The following GAB1 variants were observed in gnomAD, a reference collection of about 807,000 sequenced individuals.
GAB1 encodes GRB2 associated binding protein 1, also known as GRB2-associated-binding protein 1.
Under a neutral mutation model 66.5 loss-of-function variants are expected in GAB1, and 19 were observed. The ratio of observed to expected loss-of-function variants is 0.29; its 90% confidence interval spans 0.20 to 0.42. GAB1 has a LOEUF of 0.42. Ranked by LOEUF, GAB1 falls within the 10% of genes least tolerant of loss-of-function variation. The pLI, the probability that GAB1 is intolerant of heterozygous loss-of-function variation, is 1.00. For missense variants in GAB1, 732 were observed against 858.5 expected (o/e 0.85, Z 1.84); for synonymous variants, 294 against 301.4 (o/e 0.98, Z 0.25).
intron 1 of GAB1, among the ~76,000 whole-genome samples, chr4:143,341,279 G>A (rs1392671585): frequency 6.6e-6 from 1 of 152,164 alleles, no homozygotes; most frequent in Non-Finnish European, 1.5e-5. Flanking sequence ...TAAAGTCTTG[G>A]TAGTATGCAC....
intron 8 of GAB1, among the ~76,000 whole-genome samples, chr4:143,460,784 A>C (rs1735451370): frequency 6.6e-6 from 1 of 152,098 alleles, no homozygotes. Flanking sequence ...TGAGTCCAGC[A>C]GTTTGAGGCT....
At chr4:143,465,998 A>G in intron 8 of GAB1, 105 bp from the exon 9 acceptor site, 1 of 1,238,976 alleles carries the variant, frequency 8.1e-7, no homozygotes, top group Non-Finnish European at 1.1e-6. Flanking sequence ...TTTTTAAGCT[A>G]TGTCCTCTTG....
At position 143,433,721 on chromosome 4, in the gene GAB1, A is replaced by G; in HGVS notation, c.593+5A>G. ...CAAGAAGCCCGAACCCACCAGGTAA[A>G]TTATATATGCCCATGTGAGAGAGAG... is the stretch of plus-strand genomic sequence containing the variant. On this transcript the variant is annotated splice_donor_5th_base_variant and intron_variant, in intron 3 of 9. Coordinates refer to ENST00000262994, the MANE Select transcript of GAB1 (RefSeq NM_002039.4). 1 of 1,600,826 alleles carries G rather than the reference A, an allele frequency of 6.2e-7. No homozygotes were observed. Among genetic ancestry groups the G allele is most frequent in the Non-Finnish European group, 8.6e-7 (1 of 1,168,038 alleles).
chr4:143,368,520 C>T lies in GAB1; in HGVS notation c.72+31260C>T, dbSNP rs140696819. ...CTCTTCCAAGTTACTACAAATATGC[C>T]TAATTTTTATAAATATATGCAATTT... On this transcript the variant is annotated intron_variant, in intron 1 of 9. Coordinates refer to ENST00000262994, the MANE Select transcript of GAB1 (RefSeq NM_002039.4). Among the ~76,000 whole-genome samples, 170 of 152,134 alleles carry T rather than the reference C, an allele frequency of 1.1e-3. No homozygotes were observed. The Middle Eastern group carries it at 0.017, about 15-fold the overall frequency.
chr4:143,352,448 T>G (rs908152358), intron 1 of GAB1, among the ~76,000 whole-genome samples: 2 of 152,200 alleles, frequency 1.3e-5, no homozygotes, highest in African/African-American at 4.8e-5. Context: ...GTTAAGGAGT[T>G]TTCTCTTTTC....
At chr4:143,338,048 C>G (rs1460422170) in intron 1 of GAB1, among the ~76,000 whole-genome samples, 8 of 152,162 alleles carry the variant, frequency 5.3e-5, no homozygotes, top group African/African-American at 1.9e-4. Flanking sequence ...TCCCAGGGAA[C>G]CAGAGTGGCT....
rs373586035 is a variant in GAB1 at position 143,473,295 on chromosome 4, A to C, written c.*4106A>C. ...TTCTGCTACCAAATAAAACTTTTCA[A>C]ACAATTTGGTTTCAAGACCTTAAAT... On this transcript the variant is annotated 3_prime_UTR_variant, in exon 10 of 10. Coordinates refer to ENST00000262994, the MANE Select transcript of GAB1 (RefSeq NM_002039.4). The C allele has an allele frequency of 3.9e-5, 6 of 152,212 alleles. No homozygotes were observed. The East Asian group carries it at 9.6e-4, about 24-fold the overall frequency. 9.4% of individuals were successfully genotyped at this position (152,212 alleles called of 1,614,324 possible).
intron 1 of GAB1, among the ~76,000 whole-genome samples, chr4:143,390,579 C>T (rs1391799976): frequency 6.6e-6 from 1 of 152,080 alleles, no homozygotes; most frequent in Non-Finnish European, 1.5e-5. Context: ...ACAGTACTTT[C>T]CTCAGAGACT....
chr4:143,423,228 T>C (rs1733113522), intron 2 of GAB1, among the ~76,000 whole-genome samples: 1 of 152,188 alleles, frequency 6.6e-6, no homozygotes, highest in South Asian at 2.1e-4. Flanking sequence ...ACTTTGAAGA[T>C]AGTGCATTGT....
At chr4:143,393,357 C>T (rs1181339308) in intron 1 of GAB1, among the ~76,000 whole-genome samples, 3 of 151,764 alleles carry the variant, frequency 2.0e-5, no homozygotes, top group Admixed American at 6.6e-5. Flanking sequence ...ACAAATAGTA[C>T]AGTGTTAAGT....
At chr4:143,429,049 G>T (rs113726167) in intron 2 of GAB1, among the ~76,000 whole-genome samples, 4,144 of 152,168 alleles carry the variant, frequency 0.027, 108 homozygotes, top group South Asian at 0.11. Flanking sequence ...TTGCAAAATA[G>T]ACTTTAGTCT....
chr4:143,425,159 C>T, intron 2 of GAB1: 2 of 818,912 alleles, frequency 2.4e-6, no homozygotes, highest in South Asian at 2.6e-5. Flanking sequence ...TGGAATAGTA[C>T]ATCTCTAAAA....
At chr4:143,422,040 G>T (rs1578689690) in intron 2 of GAB1, among the ~76,000 whole-genome samples, 1 of 152,104 alleles carries the variant, frequency 6.6e-6, no homozygotes. Flanking sequence ...ACAGAAAATT[G>T]CAACTACTGC....
intron 2 of GAB1, among the ~76,000 whole-genome samples, chr4:143,423,828 A>ATATATATATATATATG (rs1733174726): frequency 2.0e-5 from 2 of 101,688 alleles, no homozygotes; most frequent in Non-Finnish European, 2.0e-5. Context: ...ATATATATAT[A>ATATATATATATATATG]TATATATATG....
intron 1 of GAB1, among the ~76,000 whole-genome samples, chr4:143,397,802 G>T (rs939586290): frequency 1.3e-5 from 2 of 152,082 alleles, no homozygotes; most frequent in Non-Finnish European, 2.9e-5. Flanking sequence ...TCTTTCCAAG[G>T]TCCCTGCATG....
chr4:143,357,184 G>C (rs1560716621), intron 1 of GAB1, among the ~76,000 whole-genome samples: 1 of 152,142 alleles, frequency 6.6e-6, no homozygotes, highest in Non-Finnish European at 1.5e-5. Context: ...GAACAGATAG[G>C]ATAAACTAGG....
intron 6 of GAB1, among the ~76,000 whole-genome samples, chr4:143,451,072 A>G (rs918940576): frequency 1.1e-4 from 16 of 152,190 alleles, no homozygotes; most frequent in African/African-American, 3.6e-4. Flanking sequence ...GGACCCCTGA[A>G]GAAGCTCACC....
At chr4:143,386,633 C>T (rs147539640) in intron 1 of GAB1, among the ~76,000 whole-genome samples, 1 of 152,192 alleles carries the variant, frequency 6.6e-6, no homozygotes, top group Non-Finnish European at 1.5e-5. Flanking sequence ...AGCAATCCAT[C>T]TACCTCACCT....
intron 2 of GAB1, among the ~76,000 whole-genome samples, chr4:143,429,837 C>A (rs1056851989): frequency 2.6e-5 from 4 of 152,194 alleles, no homozygotes; most frequent in African/African-American, 4.8e-5. Context: ...AGAATACTCA[C>A]AACTAGTTTC....
Sources: gnomAD v4.1 joint callset for allele counts (sites outside exome capture counted in the v4.1 genomes callset) on GRCh38, gnomAD v4.1.1 for gene constraint, MANE v1.5 for transcripts, NCBI Gene and HGNC (gene_info 2026-07-23, HGNC 2026-07-21) for gene names.